ARK2C: variants seen among roughly 807,000 people sequenced by gnomAD.
The protein encoded by ARK2C is arkadia (RNF111) C-terminal like ring finger ubiquitin ligase 2C, also known as E3 ubiquitin-protein ligase ARK2C.
chr18:46,355,954 G>A, the ARK2C span, among the ~76,000 whole-genome samples: 2 of 152,322 alleles, frequency 1.3e-5, no homozygotes, highest in South Asian at 4.1e-4. Context: ...GTAGTGGGCG[G>A]AGGCATGGCT....
the ARK2C span, chr18:46,456,889 G>T: frequency 2.9e-5 from 14 of 477,120 alleles, no homozygotes; most frequent in Admixed American, 1.0e-4. Context: ...GGTGCCCAGC[G>T]CAAGGGCGGG....
the ARK2C span, among the ~76,000 whole-genome samples, chr18:46,366,469 A>G: frequency 6.6e-6 from 1 of 152,154 alleles, no homozygotes; most frequent in East Asian, 1.9e-4. Flanking sequence ...CAAATACTGC[A>G]CTCAGATACT....
chr18:46,366,311 A>AAAG, the ARK2C span, among the ~76,000 whole-genome samples: 1 of 145,246 alleles, frequency 6.9e-6, no homozygotes, highest in Admixed American at 6.7e-5. Context: ...AAAAAAAAAA[A>AAAG]AAAAAAAATA....
the ARK2C span, chr18:46,457,681 C>G: frequency 6.5e-6 from 1 of 152,692 alleles, no homozygotes; most frequent in Non-Finnish European, 1.5e-5. Context: ...AGGCTGTGCT[C>G]TTGCCTGTCA....
the ARK2C span, chr18:46,334,597 C>T: frequency 6.2e-6 from 3 of 483,160 alleles, no homozygotes; most frequent in African/African-American, 4.1e-5. The surrounding 1 kb of genome is among the most constrained non-coding windows in gnomAD (Gnocchi z 4.4). Flanking sequence ...TTGCGGCGGA[C>T]GTGGTTCCCC....
At chr18:46,348,331 A>G in the ARK2C span, among the ~76,000 whole-genome samples, 2 of 152,132 alleles carry the variant, frequency 1.3e-5, no homozygotes, top group African/African-American at 4.8e-5. Flanking sequence ...AGGGAAGCTA[A>G]GGCTTTGTTG....
chr18:46,434,739 G>A, the ARK2C span, among the ~76,000 whole-genome samples: 1 of 152,198 alleles, frequency 6.6e-6, no homozygotes, highest in Non-Finnish European at 1.5e-5. Context: ...GGCTTGGGAT[G>A]CTTGAGATAG....
At chr18:46,338,403 C>T in the ARK2C span, among the ~76,000 whole-genome samples, 34 of 152,370 alleles carry the variant, frequency 2.2e-4, no homozygotes, top group African/African-American at 7.9e-4. Context: ...TCTGTGCCCT[C>T]TGCAGGCTGT....
chr18:46,440,783 A>G, the ARK2C span, among the ~76,000 whole-genome samples: 1 of 152,154 alleles, frequency 6.6e-6, no homozygotes, highest in African/African-American at 2.4e-5. Context: ...TTTAATCTAC[A>G]TGTTCCTGGA....
chr18:46,409,077 A>T, the ARK2C span, among the ~76,000 whole-genome samples: 1 of 152,182 alleles, frequency 6.6e-6, no homozygotes. Flanking sequence ...GGATTAAATG[A>T]GTTAATATAT....
At chr18:46,344,978 A>G in the ARK2C span, among the ~76,000 whole-genome samples, 1 of 152,002 alleles carries the variant, frequency 6.6e-6, no homozygotes. Context: ...GGAGGGGGAC[A>G]TCAGACCTGT....
chr18:46,433,987 C>A, the ARK2C span, among the ~76,000 whole-genome samples: 1 of 152,184 alleles, frequency 6.6e-6, no homozygotes, highest in Admixed American at 6.5e-5. Context: ...CTGGTTCCCA[C>A]CCTCAAGAAT....
chr18:46,336,234 A>G, the ARK2C span: 1 of 985,220 alleles, frequency 1.0e-6, no homozygotes, highest in South Asian at 4.7e-5. Context: ...CTGAAAGTAT[A>G]ATTATCCTGA....
chr18:46,375,327 T>C, the ARK2C span, among the ~76,000 whole-genome samples: 1 of 151,908 alleles, frequency 6.6e-6, no homozygotes, highest in African/African-American at 2.4e-5. Context: ...CCGAAGTGGG[T>C]GGGTCACTTG....
the ARK2C span, among the ~76,000 whole-genome samples, chr18:46,389,183 A>G: frequency 1.0e-3 from 158 of 152,342 alleles, no homozygotes; most frequent in Non-Finnish European, 1.2e-3. Context: ...GAAACAGGGA[A>G]ACATCCACTG....
the ARK2C span, among the ~76,000 whole-genome samples, chr18:46,436,352 A>C: frequency 6.6e-6 from 1 of 152,130 alleles, no homozygotes; most frequent in Non-Finnish European, 1.5e-5. Context: ...GGAAATAGAA[A>C]TGCAGTAAAA....
chr18:46,447,732 G>A, the ARK2C span: 1 of 1,613,560 alleles, frequency 6.2e-7, no homozygotes, highest in African/African-American at 1.3e-5. Flanking sequence ...CCTATTGAGT[G>A]CCAGTGGTGG....
the ARK2C span, among the ~76,000 whole-genome samples, chr18:46,384,166 C>A: frequency 6.6e-6 from 1 of 152,190 alleles, no homozygotes; most frequent in African/African-American, 2.4e-5. Flanking sequence ...ACCACTGCCC[C>A]GGCCGTGCTT....
At chr18:46,444,544 A>G in the ARK2C span, among the ~76,000 whole-genome samples, 22 of 152,108 alleles carry the variant, frequency 1.4e-4, no homozygotes, top group Non-Finnish European at 2.6e-4. Flanking sequence ...AGCTCATTGT[A>G]GCCTCAACTT....
Sources: allele counts gnomAD v4.1 joint callset (sites outside exome capture counted in the v4.1 genomes callset), GRCh38; gene constraint gnomAD v4.1.1; non-coding constraint Gnocchi (gnomAD v3.1); transcripts MANE v1.5; gene names NCBI Gene and HGNC (gene_info 2026-07-23, HGNC 2026-07-21).